RAB38: variants seen among roughly 807,000 people sequenced by gnomAD.
The protein encoded by RAB38 is RAB38, member RAS oncogene family, also known as ras-related protein Rab-38.
RAB38 carries 15 observed loss-of-function variants against 18.4 expected under a neutral mutation model. That is an observed-to-expected ratio of 0.82 (90% CI 0.55 to 1.26). The LOEUF (loss-of-function observed/expected upper bound fraction) is 1.26. Ranked by LOEUF, RAB38 falls within the 50% of genes most tolerant of loss-of-function variation. The probability of loss-of-function intolerance (pLI) is 0.00; values close to 1 mark genes in which losing one functional copy is unlikely to be tolerated. For synonymous variants in RAB38, 101 were observed against 104.4 expected (o/e 0.97, Z 0.20); for missense variants, 294 against 267.4 (o/e 1.10, Z -0.69).
chr11:88,140,087 T>A (rs963412115), intron 2 of RAB38, among the ~76,000 whole-genome samples: 19 of 152,228 alleles, frequency 1.2e-4, no homozygotes, highest in African/African-American at 3.6e-4. Context: ...AATGTCAGAT[T>A]CTTATGGAAT....
chr11:88,103,155 T>C, the RAB38 span, among the ~76,000 whole-genome samples: 6 of 152,128 alleles, frequency 3.9e-5, no homozygotes, highest in African/African-American at 1.2e-4. Flanking sequence ...ATTCTTTACA[T>C]AATATTGCTC....
At chr11:87,954,658 G>A in the RAB38 span, among the ~76,000 whole-genome samples, 1 of 151,976 alleles carries the variant, frequency 6.6e-6, no homozygotes, top group South Asian at 2.1e-4. Context: ...ACCATCAAGA[G>A]GATCAGCTGC....
the RAB38 span, among the ~76,000 whole-genome samples, chr11:88,075,627 T>C: frequency 6.6e-6 from 1 of 152,162 alleles, no homozygotes; most frequent in Non-Finnish European, 1.5e-5. Context: ...AAGCCTGTTA[T>C]CATAACACTT....
At chr11:87,878,316 T>C in the RAB38 span, among the ~76,000 whole-genome samples, 1 of 148,428 alleles carries the variant, frequency 6.7e-6, no homozygotes, top group Admixed American at 6.8e-5. Context: ...CATCTATCTA[T>C]CATCTATCAA....
At chr11:88,010,741 T>G in the RAB38 span, among the ~76,000 whole-genome samples, 1 of 152,208 alleles carries the variant, frequency 6.6e-6, no homozygotes, top group African/African-American at 2.4e-5. Flanking sequence ...TCCTGTTTTA[T>G]AAATGGGGCA....
At chr11:87,924,732 G>A in the RAB38 span, among the ~76,000 whole-genome samples, 1 of 151,970 alleles carries the variant, frequency 6.6e-6, no homozygotes, top group Non-Finnish European at 1.5e-5. Flanking sequence ...AGAAAACTGA[G>A]GCTTGAGAAG....
chr11:87,818,505 G>A, the RAB38 span, among the ~76,000 whole-genome samples: 2 of 152,052 alleles, frequency 1.3e-5, no homozygotes, highest in South Asian at 4.1e-4. Flanking sequence ...GATAATCAAA[G>A]ACAGAGCTAA....
intron 1 of RAB38, among the ~76,000 whole-genome samples, chr11:88,160,794 C>T (rs1943180543): frequency 6.6e-6 from 1 of 152,020 alleles, no homozygotes; most frequent in South Asian, 2.1e-4. Context: ...TAACCATGGA[C>T]ATGAAGATAA....
chr11:88,075,629 A>G, the RAB38 span, among the ~76,000 whole-genome samples: 1 of 152,186 alleles, frequency 6.6e-6, no homozygotes, highest in Non-Finnish European at 1.5e-5. Context: ...GCCTGTTATC[A>G]TAACACTTTG....
At chr11:88,091,505 C>T in the RAB38 span, among the ~76,000 whole-genome samples, 1 of 152,012 alleles carries the variant, frequency 6.6e-6, no homozygotes, top group African/African-American at 2.4e-5. Flanking sequence ...TGCCATCTCT[C>T]CATCTCGCCA....
At chr11:88,052,653 T>C in the RAB38 span, among the ~76,000 whole-genome samples, 1 of 151,694 alleles carries the variant, frequency 6.6e-6, no homozygotes. Context: ...GTTCCTGACA[T>C]TGAACTATCA....
chr11:87,803,876 G>A, the RAB38 span, among the ~76,000 whole-genome samples: 1 of 152,196 alleles, frequency 6.6e-6, no homozygotes, highest in Non-Finnish European at 1.5e-5. Context: ...ATTCCGTTAG[G>A]CCCCAAGGCC....
At chr11:87,931,672 C>T in the RAB38 span, among the ~76,000 whole-genome samples, 5 of 152,060 alleles carry the variant, frequency 3.3e-5, no homozygotes, top group Non-Finnish European at 7.4e-5. Context: ...AATATCAGTT[C>T]CTTCTGTTAG....
the RAB38 span, among the ~76,000 whole-genome samples, chr11:88,018,529 C>G: frequency 6.6e-6 from 1 of 152,100 alleles, no homozygotes; most frequent in African/African-American, 2.4e-5. Flanking sequence ...GTCTCCATTT[C>G]TCATTTTGAA....
chr11:88,032,709 T>C, the RAB38 span, among the ~76,000 whole-genome samples: 1 of 152,116 alleles, frequency 6.6e-6, no homozygotes, highest in African/African-American at 2.4e-5. Context: ...ATGGCAATCA[T>C]TAAAAAGTCA....
At chr11:87,879,935 C>A in the RAB38 span, 2 of 151,594 alleles carry the variant, frequency 1.3e-5, no homozygotes, top group East Asian at 3.9e-4. Context: ...ATATGCTGTA[C>A]TTTATCAAAG....
chr11:87,885,666 T>G, the RAB38 span, among the ~76,000 whole-genome samples: 1 of 152,118 alleles, frequency 6.6e-6, no homozygotes, highest in East Asian at 2.0e-4. Flanking sequence ...GCAGATGTCA[T>G]GATTATCCCT....
At chr11:88,134,161 C>CA (rs936142581) in intron 2 of RAB38, among the ~76,000 whole-genome samples, 17 of 151,946 alleles carry the variant, frequency 1.1e-4, no homozygotes, top group African/African-American at 4.1e-4. Context: ...CTTTAACATA[C>CA]AAAAAAAAGA....
the RAB38 span, among the ~76,000 whole-genome samples, chr11:88,067,968 T>A: frequency 2.7e-5 from 3 of 112,362 alleles, no homozygotes; most frequent in Admixed American, 8.9e-5. Context: ...CTTATATATA[T>A]ACACATATAT....
Sources: gnomAD v4.1 joint callset for allele counts (sites outside exome capture counted in the v4.1 genomes callset) on GRCh38, gnomAD v4.1.1 for gene constraint, MANE v1.5 for transcripts, NCBI Gene and HGNC (gene_info 2026-07-23, HGNC 2026-07-21) for gene names.